Variants in TRPM3 observed in about 807,000 individuals in gnomAD.
The protein encoded by TRPM3 is long transient receptor potential channel 3.
In TRPM3, 77 loss-of-function variants were observed where a neutral mutation model predicts 181.2. That is an observed-to-expected ratio of 0.42 (90% confidence interval 0.35 to 0.51). The LOEUF (loss-of-function observed/expected upper bound fraction) is 0.51, where lower values mean the gene tolerates loss of function less well. Ranked by LOEUF, TRPM3 falls within the 20% of genes least tolerant of loss-of-function variation. The pLI is 0.01. For missense variants in TRPM3, 1,759 were observed against 2,196.7 expected, an observed-to-expected ratio of 0.80 and a Z score of 3.98; for synonymous variants, 745 against 796.4, an observed-to-expected ratio of 0.94 and a Z score of 1.09.
chr9:70,938,905 C>T (rs1464681211), intron 1 of TRPM3, among the ~76,000 whole-genome samples: 1 of 151,688 alleles, frequency 6.6e-6, no homozygotes, highest in Non-Finnish European at 1.5e-5. Context: ...TTGCAGTGAG[C>T]CAAGATCGCG....
chr9:71,430,726 G>T (rs549994201), intron 1 of TRPM3, among the ~76,000 whole-genome samples: 2 of 152,060 alleles, frequency 1.3e-5, no homozygotes, highest in Non-Finnish European at 2.9e-5. Flanking sequence ...CAGGAGAATC[G>T]CTTGAACTCA....
At chr9:70,928,969 G>A (rs2096747979) in intron 1 of TRPM3, among the ~76,000 whole-genome samples, 1 of 152,124 alleles carries the variant, frequency 6.6e-6, no homozygotes, top group South Asian at 2.1e-4. Flanking sequence ...TGTGCAATGA[G>A]AATTATTATG....
intron 1 of TRPM3, among the ~76,000 whole-genome samples, chr9:71,332,113 C>T (rs183294816): frequency 5.9e-5 from 9 of 151,466 alleles, no homozygotes; most frequent in Non-Finnish European, 1.0e-4. Flanking sequence ...ACAAAATCAA[C>T]GTATCTATCC....
rs1554820937 is a variant in TRPM3 at position 71,080,171 on chromosome 9, A to AAAATAAATAACTAAAT, written c.177+41006_177+41007insATTTAGTTATTTATTT. 2.3e-5 allele frequency among the ~76,000 whole-genome samples: 3 copies of AAAATAAATAACTAAAT among 133,202 alleles called. No individual in the cohort carries two copies. In the East Asian group the frequency reaches 6.6e-4, roughly 29 times the overall value. 87.4% of individuals were successfully genotyped at this position (133,202 alleles called of 152,430 possible). A position where few individuals can be genotyped will look rare whatever the true frequency, so the allele number is the denominator to read the frequency against. Reference sequence around the variant, plus strand: ...GACAACAAGAGTCAAACTCCATCTCAAAATAAATAAATAAATAAATAAATA... The same window carrying AAAATAAATAACTAAAT: ...GACAACAAGAGTCAAACTCCATCTCAAAATAAATAACTAAATAAATAAATAAATAAATAAATAAATA... On this transcript the variant is annotated intron_variant, in intron 1 of 25. Coordinates refer to ENST00000677713, the MANE Select transcript of TRPM3 (RefSeq NM_001366145.2).
intron 3 of TRPM3, among the ~76,000 whole-genome samples, chr9:70,857,695 G>A (rs2095422463): frequency 6.6e-6 from 1 of 152,186 alleles, no homozygotes; most frequent in Admixed American, 6.5e-5. Context: ...TTAAATAACT[G>A]TGACTCTGGG....
At position 71,012,054 on chromosome 9, in the gene TRPM3, A is replaced by T. The variant is rs150977336; in HGVS notation, c.177+109124T>A. ...CGCATTGGCCTCTCAAAGTGCTGGGATTACAGGCATGAGCCACTGCTGCTG... is the reference window on the plus strand; with the variant it reads ...CGCATTGGCCTCTCAAAGTGCTGGGTTTACAGGCATGAGCCACTGCTGCTG... On this transcript the variant is annotated intron_variant, in intron 1 of 25. Coordinates refer to ENST00000677713, the MANE Select transcript of TRPM3 (RefSeq NM_001366145.2). Among the ~76,000 whole-genome samples, 15 of 152,180 alleles carry T rather than the reference A, an allele frequency of 9.9e-5. No individual in the cohort carries two copies. In the East Asian group the frequency reaches 2.9e-3, roughly 29 times the overall value.
intron 1 of TRPM3, among the ~76,000 whole-genome samples, chr9:71,091,209 C>A (rs894110520): frequency 1.3e-5 from 2 of 152,082 alleles, no homozygotes; most frequent in African/African-American, 2.4e-5. Flanking sequence ...CTTTTATTAA[C>A]AGAAGTTGTA....
intron 5 of TRPM3, among the ~76,000 whole-genome samples, chr9:70,842,727 G>A (rs2094759105): frequency 6.6e-6 from 1 of 152,076 alleles, no homozygotes; most frequent in Non-Finnish European, 1.5e-5. Flanking sequence ...AGGATTTGAT[G>A]GGTGAAGAAA....
chr9:70,796,842 CA>C (rs1200194431), intron 6 of TRPM3, among the ~76,000 whole-genome samples: 4 of 152,202 alleles, frequency 2.6e-5, no homozygotes, highest in African/African-American at 9.6e-5. Context: ...CAAAGGAAGG[CA>C]GGGGGCTGGG....
At chr9:70,539,320 C>T (rs571955923) in intron 25 of TRPM3, among the ~76,000 whole-genome samples, 1 of 152,272 alleles carries the variant, frequency 6.6e-6, no homozygotes, top group South Asian at 2.1e-4. Flanking sequence ...AAAACCTCCT[C>T]TCCTGCTGGC....
At chr9:70,661,131 A>G (rs2061072483) in intron 9 of TRPM3, among the ~76,000 whole-genome samples, 1 of 127,220 alleles carries the variant, frequency 7.9e-6, no homozygotes, top group Non-Finnish European at 1.7e-5. Context: ...GGTTTAACAT[A>G]TGCAAGTCAA....
chr9:70,861,969 G>C (rs1031284518), intron 3 of TRPM3, among the ~76,000 whole-genome samples: 4 of 152,070 alleles, frequency 2.6e-5, no homozygotes, highest in Admixed American at 6.5e-5. Context: ...AGAGGAGAGA[G>C]ACAGGGAAGG....
At chr9:71,133,531 T>A (rs74536265) in intron 1 of TRPM3, among the ~76,000 whole-genome samples, 1,835 of 151,592 alleles carry the variant, frequency 0.012, 23 homozygotes, top group East Asian at 0.072. Flanking sequence ...ACTCCCAACT[T>A]AGGTGATCCG....
chr9:71,431,628 A>C (rs2093954767), intron 1 of TRPM3, among the ~76,000 whole-genome samples: 1 of 152,188 alleles, frequency 6.6e-6, no homozygotes, highest in African/African-American at 2.4e-5. Flanking sequence ...GCATATTGAC[A>C]AAAAATTAAA....
chr9:71,439,039 T>C (rs2094092619), intron 1 of TRPM3, among the ~76,000 whole-genome samples: 2 of 152,208 alleles, frequency 1.3e-5, no homozygotes, highest in African/African-American at 4.8e-5. Context: ...TATTTCAATA[T>C]AGTATGGATT....
intron 6 of TRPM3, among the ~76,000 whole-genome samples, chr9:70,823,478 C>T (rs570746663): frequency 5.0e-4 from 76 of 152,280 alleles, no homozygotes; most frequent in African/African-American, 1.7e-3. Context: ...CACAGCCAGC[C>T]GCTTGCTTCA....
intron 1 of TRPM3, among the ~76,000 whole-genome samples, chr9:71,153,980 T>A (rs377022143): frequency 5.9e-5 from 9 of 152,140 alleles, no homozygotes; most frequent in Admixed American, 2.0e-4. Context: ...TTTATATAAA[T>A]ACCAAGAGTA....
chr9:71,443,674 A>G (rs1049048895), intron 1 of TRPM3, among the ~76,000 whole-genome samples: 9 of 152,128 alleles, frequency 5.9e-5, no homozygotes, highest in African/African-American at 2.2e-4. Context: ...CCCAACCTCT[A>G]AGAAAACCCC....
intron 1 of TRPM3, among the ~76,000 whole-genome samples, chr9:71,040,362 G>A (rs1232297489): frequency 1.3e-5 from 2 of 152,148 alleles, no homozygotes; most frequent in East Asian, 1.9e-4. Flanking sequence ...GTTCATCAAC[G>A]TGGTATTGCT....
Sources: allele counts gnomAD v4.1 joint callset (sites outside exome capture counted in the v4.1 genomes callset), GRCh38; gene constraint gnomAD v4.1.1; transcripts MANE v1.5; gene names NCBI Gene and HGNC (gene_info 2026-07-23, HGNC 2026-07-21).